Variants in PNLIP observed in about 807,000 individuals in gnomAD.
PNLIP encodes the protein pancreatic triacylglycerol lipase.
Under a neutral mutation model 57.1 loss-of-function variants are expected in PNLIP, and 49 were observed. The observed-to-expected ratio is 0.86, with a 90% CI of 0.68 to 1.09. The LOEUF (loss-of-function observed/expected upper bound fraction) is 1.09. Ranked by LOEUF, PNLIP falls within the 50% of genes least tolerant of loss-of-function variation. The pLI is 0.00. For missense variants in PNLIP, 503 were observed against 570.2 expected (o/e 0.88, Z 1.20); for synonymous variants, 209 against 200.4 (o/e 1.04, Z -0.36).
At chr10:116,557,204 A>G (rs528459853) in intron 9 of PNLIP, among the ~76,000 whole-genome samples, 1 of 152,166 alleles carries the variant, frequency 6.6e-6, no homozygotes, top group South Asian at 2.1e-4. Context: ...ACAATAAGTA[A>G]TGGGGGAAAA....
intron 12 of PNLIP, among the ~76,000 whole-genome samples, chr10:116,562,309 C>G (rs1170500744): frequency 6.6e-6 from 1 of 152,126 alleles, no homozygotes; most frequent in Non-Finnish European, 1.5e-5. Context: ...TAACAGAGCC[C>G]AGATTTACTG....
intron 7 of PNLIP, 42 bp downstream of exon 7, chr10:116,555,339 T>A (rs757634849): frequency 8.1e-6 from 13 of 1,614,058 alleles, no homozygotes; most frequent in Non-Finnish European, 1.0e-5. Flanking sequence ...TTATAGTGTC[T>A]GAGTCTATAT....
chr10:116,555,469 T>C lies in PNLIP; in HGVS notation c.773T>C (p.Ile258Thr). Residue 258 changes from isoleucine to threonine, a missense_variant, in exon 8 of 13, where the codon ATT becomes ACT. By Grantham distance (89) the Ile-to-Thr change is moderately conservative. Transcript: ENST00000369221. The stretch of plus-strand genomic sequence containing the variant: ...GAAATGCCTGGATGTAAAAAGAACA[T>C]TCTCTCTCAGATTGTGGACATAGAC... ...GVEMPGCKKNILSQIVDIDGI... is the reference protein window; with the variant it reads ...GVEMPGCKKNTLSQIVDIDGI... The C allele has an allele frequency of 6.2e-7, 1 of 1,614,152 alleles. No individual in the cohort carries two copies. Among genetic ancestry groups the C allele is most frequent in the Non-Finnish European group, 8.5e-7 (1 of 1,179,982 alleles).
intron 12 of PNLIP, among the ~76,000 whole-genome samples, chr10:116,563,886 A>G (rs1245606494): frequency 6.6e-6 from 1 of 152,220 alleles, no homozygotes; most frequent in African/African-American, 2.4e-5. Context: ...AAAAAATCTT[A>G]AAAATAACTT....
intron 8 of PNLIP, among the ~76,000 whole-genome samples, chr10:116,555,751 A>G (rs1465275525): frequency 6.6e-6 from 1 of 152,178 alleles, no homozygotes; most frequent in Non-Finnish European, 1.5e-5. Flanking sequence ...ATTTATTTAA[A>G]CCAATCTTTT....
At position 116,556,133 on chromosome 10, in the gene PNLIP, C is replaced by T. The variant is rs1212998773; in HGVS notation, c.930+15C>T. 3 of 1,434,094 alleles carry T rather than the reference C, an allele frequency of 2.1e-6. No individual in the cohort carries two copies. Among genetic ancestry groups the T allele is most frequent in the Non-Finnish European group, 2.0e-6 (2 of 1,016,574 alleles). 88.8% of individuals were successfully genotyped at this position (1,434,094 alleles called of 1,614,324 possible). ...TCTTCACTGCAGTAAGTAGACTCCA[C>T]CTTCCGCATAAAGAATTTTGTGACT... is the stretch of plus-strand genomic sequence containing the variant. On this transcript the variant is annotated intron_variant, in intron 9 of 12. Coordinates refer to ENST00000369221, the MANE Select transcript of PNLIP (RefSeq NM_000936.4).
chr10:116,559,571 G>C (rs1248325327), intron 10 of PNLIP, among the ~76,000 whole-genome samples: 1 of 152,144 alleles, frequency 6.6e-6, no homozygotes, highest in Non-Finnish European at 1.5e-5. Context: ...TCAGTCAAAA[G>C]TTTCACTGAA....
intron 11 of PNLIP, 110 bp downstream of exon 11, chr10:116,560,634 G>A (rs1266649542): frequency 5.3e-6 from 3 of 561,970 alleles, no homozygotes; most frequent in African/African-American, 4.0e-5. Flanking sequence ...CTGGAGTGTA[G>A]TGGTGCAATC....
chr10:116,559,267 T>A lies in PNLIP; in HGVS notation c.1044T>A (p.Asp348Glu). 6.2e-7 allele frequency: 1 copy of A among 1,613,062 alleles called. No individual in the cohort carries two copies. Among genetic ancestry groups the A allele is most frequent in the Non-Finnish European group, 8.5e-7 (1 of 1,179,350 alleles). ...VGQKFYLDTG[D>E]ASNFARWRYK... ...AGAAATTTTATCTAGACACTGGTGA[T>A]GCCAGTAATTTTGCACGTAAGTTTC... Residue 348 changes from aspartate (D) to glutamate (E), a missense_variant, in exon 10 of 13, where the codon GAT becomes GAA. Transcript: ENST00000369221.
intron 4 of PNLIP, among the ~76,000 whole-genome samples, chr10:116,550,459 T>C (rs569141846): frequency 6.6e-6 from 1 of 152,218 alleles, no homozygotes; most frequent in African/African-American, 2.4e-5. Context: ...CCTAATTAAA[T>C]GCCATCAAAC....
rs1421618055 is a variant in PNLIP at position 116,551,128 on chromosome 10, A to T, written c.355A>T (p.Ile119Phe). The change falls in exon 5 of 13, where the codon ATC (isoleucine) becomes TTC (phenylalanine). Residue 119 changes from isoleucine (I) to phenylalanine (F), a missense_variant. Ile to Phe is a conservative substitution (Grantham distance 21). Coordinates refer to ENST00000369221, the MANE Select transcript of PNLIP (RefSeq NM_000936.4). ...GTTCAAGGTGGAAAGTGTGAACTGT[A>T]TCTGTGTGGACTGGAAAGGTGGCTC... ...NLFKVESVNC[I>F]CVDWKGGSRT... The T allele has an allele frequency of 1.2e-6, 2 of 1,611,222 alleles. No homozygotes were observed. The highest frequency in any genetic ancestry group is 2.7e-5 in the African/African-American group (2 of 74,844).
At chr10:116,547,650 C>A (rs192464172) in intron 3 of PNLIP, among the ~76,000 whole-genome samples, 4 of 147,692 alleles carry the variant, frequency 2.7e-5, no homozygotes, top group Non-Finnish European at 4.4e-5. Context: ...GGCGTGAACC[C>A]GGGAGGCAGA....
intron 12 of PNLIP, among the ~76,000 whole-genome samples, chr10:116,567,201 CT>C (rs1380510830): frequency 2.0e-4 from 28 of 141,362 alleles, no homozygotes; most frequent in African/African-American, 6.3e-4. Flanking sequence ...TTCCTTCTTT[CT>C]TTTTTTCTCT....
Position 116,559,535 on chromosome 10 carries a change from C to T in PNLIP, c.1060+252C>T, listed in dbSNP as rs1341890897. On this transcript the variant is annotated intron_variant, in intron 10 of 12. Transcript: ENST00000369221. ...TGATTCTGGTGCTGAATTCAGAAGG[C>T]TTTCTCTGCTCCAGCCTCTTTATAT... 3.3e-5 allele frequency among the ~76,000 whole-genome samples: 5 copies of T among 152,174 alleles called. No homozygotes were observed. In the East Asian group the frequency reaches 9.6e-4, roughly 29 times the overall value.
At chr10:116,565,505 G>C (rs1203355260) in intron 12 of PNLIP, among the ~76,000 whole-genome samples, 1 of 145,358 alleles carries the variant, frequency 6.9e-6, no homozygotes, top group Non-Finnish European at 1.5e-5. Context: ...CTGTCACCCA[G>C]GCTGGAGTGC....
chr10:116,555,908 A>T (rs913067230), intron 8 of PNLIP, 92 bp from the exon 9 acceptor site: 13 of 773,058 alleles, frequency 1.7e-5, no homozygotes, highest in Non-Finnish European at 2.5e-5. Flanking sequence ...CACACTAATT[A>T]GAGAAATCTA....
In PNLIP at chr10:116,559,369, T is replaced by C. The variant is rs1589558237; in HGVS notation, c.1060+86T>C. 3 of 1,060,958 alleles carry C rather than the reference T, an allele frequency of 2.8e-6. No individual in the cohort carries two copies. In the East Asian group the frequency reaches 7.7e-5, roughly 27 times the overall value. The allele number at this position is 1,060,958 out of a possible 1,614,324, so 65.7% of individuals were successfully genotyped here. A position where few individuals can be genotyped will look rare whatever the true frequency, so the allele number is the denominator to read the frequency against. On this transcript the variant is annotated intron_variant, in intron 10 of 12. Transcript: ENST00000369221. ...CTGAAAATGTGCATACTTGCTTTTC[T>C]ATACAAAAGCTTTAAACACCCCCTC...
intron 11 of PNLIP, among the ~76,000 whole-genome samples, chr10:116,561,222 A>C (rs771903619): frequency 6.6e-6 from 1 of 152,194 alleles, no homozygotes; most frequent in Non-Finnish European, 1.5e-5. Context: ...GTTTTACTAA[A>C]GTAAAGGTGA....
rs758874078 is a variant in PNLIP, at chr10:116,555,233, C to T, written c.627C>T (p.Asp209=). The T allele has an allele frequency of 6.2e-7, 1 of 1,614,176 alleles. No homozygotes were observed. Among genetic ancestry groups the T allele is most frequent in the Non-Finnish European group, 8.5e-7 (1 of 1,180,006 alleles). Residue 209 remains aspartate, a synonymous_variant, in exon 7 of 13, where the codon GAC becomes GAT. Transcript: ENST00000369221. Reference sequence around the variant, plus strand: ...GCACACCTGAATTAGTCCGATTGGACCCCAGCGATGCCAAATTTGTGGATG... The same window carrying T: ...GCACACCTGAATTAGTCCGATTGGATCCCAGCGATGCCAAATTTGTGGATG... ...FQGTPELVRL[D]PSDAKFVDVI...
Sources: allele counts gnomAD v4.1 joint callset (sites outside exome capture counted in the v4.1 genomes callset), GRCh38; gene constraint gnomAD v4.1.1; transcripts MANE v1.5; gene names NCBI Gene and HGNC (gene_info 2026-07-23, HGNC 2026-07-21).